The following CBLB variants were observed in gnomAD, a reference collection of about 807,000 sequenced individuals.
CBLB encodes the protein E3 ubiquitin-protein ligase CBL-B.
CBLB carries 31 observed loss-of-function variants against 104.9 expected under a neutral mutation model. The observed-to-expected ratio is 0.30, with a 90% confidence interval of 0.22 to 0.40. CBLB has a LOEUF of 0.40. CBLB is among the 10% of genes least tolerant of loss of function. CBLB has a pLI of 1.00. For missense variants in CBLB, 1,062 were observed against 1,214.6 expected, an observed-to-expected ratio of 0.87 and a Z score of 1.87; for synonymous variants, 440 against 422.6, an observed-to-expected ratio of 1.04 and a Z score of -0.51.
chr3:105,702,476 G>GAAAAAAAAAAAAAAAAAAAAAAACAAAAA lies in CBLB; in HGVS notation c.1594-18_1594-17insTTTTTGTTTTTTTTTTTTTTTTTTTTTTT. 3.6e-6 allele frequency: 1 copy of GAAAAAAAAAAAAAAAAAAAAAAACAAAAA among 277,062 alleles called. No individual in the cohort carries two copies. Among genetic ancestry groups the GAAAAAAAAAAAAAAAAAAAAAAACAAAAA allele is most frequent in the Non-Finnish European group, 5.2e-6 (1 of 190,576 alleles). The allele number at this position is 277,062 out of a possible 1,614,324, so 17.2% of individuals were successfully genotyped here. On this transcript the variant is annotated splice_polypyrimidine_tract_variant and intron_variant, in intron 11 of 18. Coordinates refer to ENST00000394030, the MANE Select transcript of CBLB (RefSeq NM_170662.5). ...AGGAGAAGACTAAAGAAACAGAAGA[G>GAAAAAAAAAAAAAAAAAAAAAAACAAAAA]AAAAAAAAAAAAAAAAAAAAAAACT... is the stretch of plus-strand genomic sequence containing the variant.
At chr3:105,660,526 T>C (rs2063689300) in intron 18 of CBLB, among the ~76,000 whole-genome samples, 1 of 152,162 alleles carries the variant, frequency 6.6e-6, no homozygotes, top group South Asian at 2.1e-4. Context: ...CTTTATGTCA[T>C]GAAATACACT....
At chr3:105,688,410 C>A (rs2067266770) in intron 13 of CBLB, among the ~76,000 whole-genome samples, 1 of 151,986 alleles carries the variant, frequency 6.6e-6, no homozygotes, top group Non-Finnish European at 1.5e-5. Context: ...GTGATAAATA[C>A]ATTCATCTTC....
intron 3 of CBLB, among the ~76,000 whole-genome samples, chr3:105,790,086 C>G (rs2081470363): frequency 1.3e-5 from 2 of 152,070 alleles, no homozygotes; most frequent in Non-Finnish European, 2.9e-5. Context: ...TGGTAAGCAC[C>G]AGAATCAACC....
intron 4 of CBLB, among the ~76,000 whole-genome samples, chr3:105,766,251 T>G (rs1165419020): frequency 6.6e-6 from 1 of 152,132 alleles, no homozygotes; most frequent in African/African-American, 2.4e-5. Context: ...AGCAAAAAAG[T>G]GCTTTCTTAA....
intron 2 of CBLB, among the ~76,000 whole-genome samples, chr3:105,855,991 G>A (rs1037385491): frequency 2.0e-5 from 3 of 152,052 alleles, no homozygotes; most frequent in African/African-American, 2.4e-5. Flanking sequence ...CAAGCATAAC[G>A]AACACAATAA....
chr3:105,757,171 C>T (rs1186512154), intron 4 of CBLB, among the ~76,000 whole-genome samples: 2 of 152,094 alleles, frequency 1.3e-5, no homozygotes, highest in African/African-American at 2.4e-5. Flanking sequence ...TATCCAGTTT[C>T]TGTGTTAGGT....
intron 6 of CBLB, among the ~76,000 whole-genome samples, chr3:105,744,014 A>C (rs1277871572): frequency 6.6e-6 from 1 of 152,162 alleles, no homozygotes; most frequent in African/African-American, 2.4e-5. Context: ...AGCTGTATAA[A>C]ATGTATATAT....
intron 3 of CBLB, among the ~76,000 whole-genome samples, chr3:105,840,039 T>G (rs993511900): frequency 2.0e-5 from 3 of 152,138 alleles, no homozygotes; most frequent in Admixed American, 6.5e-5. Flanking sequence ...CTGAAATCTC[T>G]GGAAAAAAGA....
At chr3:105,852,810 T>G (rs1482505450) in intron 3 of CBLB, among the ~76,000 whole-genome samples, 3 of 152,018 alleles carry the variant, frequency 2.0e-5, no homozygotes, top group Non-Finnish European at 2.9e-5. Context: ...CTCCACCTCC[T>G]GGGTTCAAGC....
intron 9 of CBLB, 86 bp downstream of exon 9, chr3:105,733,923 A>T (rs1169197288): frequency 1.6e-6 from 2 of 1,254,740 alleles, no homozygotes; most frequent in Non-Finnish European, 2.3e-6. Context: ...ACTTACCAGC[A>T]TTACTTCCTA....
intron 17 of CBLB, chr3:105,673,781 T>A (rs1432342315): frequency 6.6e-6 from 1 of 152,204 alleles, no homozygotes; most frequent in East Asian, 1.9e-4. Flanking sequence ...TCTTAACATT[T>A]CCCATTGATC....
At chr3:105,722,334 AAATT>A (rs2073005234) in intron 9 of CBLB, among the ~76,000 whole-genome samples, 1 of 152,186 alleles carries the variant, frequency 6.6e-6, no homozygotes, top group African/African-American at 2.4e-5. Context: ...ACATTTAAAA[AAATT>A]ATTATAGAAA....
At chr3:105,800,473 G>C (rs1056871185) in intron 3 of CBLB, among the ~76,000 whole-genome samples, 1 of 152,108 alleles carries the variant, frequency 6.6e-6, no homozygotes, top group Non-Finnish European at 1.5e-5. Context: ...AGCCTTAGCG[G>C]TACCAAAGCA....
intron 9 of CBLB, among the ~76,000 whole-genome samples, chr3:105,721,679 C>A (rs952189420): frequency 6.6e-5 from 10 of 152,134 alleles, no homozygotes; most frequent in Admixed American, 1.3e-4. Flanking sequence ...GTCCAGGGGG[C>A]TTCAAAACAC....
At chr3:105,806,168 C>A (rs909730423) in intron 3 of CBLB, among the ~76,000 whole-genome samples, 1 of 151,982 alleles carries the variant, frequency 6.6e-6, no homozygotes, top group Non-Finnish European at 1.5e-5. Context: ...CAAGAAAGAA[C>A]AATGTGAATG....
intron 4 of CBLB, among the ~76,000 whole-genome samples, chr3:105,764,888 T>A (rs982807141): frequency 6.6e-6 from 1 of 152,208 alleles, no homozygotes; most frequent in African/African-American, 2.4e-5. Flanking sequence ...TAGATCAAAC[T>A]AGCCACAATA....
intron 14 of CBLB, among the ~76,000 whole-genome samples, chr3:105,683,776 G>T (rs1236791286): frequency 6.6e-6 from 1 of 152,156 alleles, no homozygotes; most frequent in African/African-American, 2.4e-5. Context: ...TCAATGATAT[G>T]ATTTTATCAA....
chr3:105,861,502 C>T (rs1029972387), intron 2 of CBLB, among the ~76,000 whole-genome samples: 5 of 151,978 alleles, frequency 3.3e-5, no homozygotes, highest in Admixed American at 2.6e-4. Context: ...TACATTTATT[C>T]GCCAAGATTA....
intron 3 of CBLB, among the ~76,000 whole-genome samples, chr3:105,794,094 C>G (rs1355395918): frequency 6.6e-6 from 1 of 152,134 alleles, no homozygotes; most frequent in Non-Finnish European, 1.5e-5. Context: ...ACTCAATGAA[C>G]TCAACTGAAA....
Sources: allele counts gnomAD v4.1 joint callset (sites outside exome capture counted in the v4.1 genomes callset), GRCh38; gene constraint gnomAD v4.1.1; transcripts MANE v1.5; gene names NCBI Gene and HGNC (gene_info 2026-07-23, HGNC 2026-07-21).